HHAT: variants seen among roughly 807,000 people sequenced by gnomAD.
HHAT encodes hedgehog acyltransferase.
Under a neutral mutation model 70.8 loss-of-function variants are expected in HHAT, and 47 were observed. The ratio of observed to expected loss-of-function variants is 0.66; its 90% confidence interval spans 0.53 to 0.85. The LOEUF (loss-of-function observed/expected upper bound fraction) is 0.85. Ranked by LOEUF, HHAT falls within the 40% of genes least tolerant of loss-of-function variation. HHAT has a pLI of 0.00. For missense variants in HHAT, 609 were observed against 604.8 expected (o/e 1.01, Z -0.07); for synonymous variants, 228 against 247.6 (o/e 0.92, Z 0.74).
intron 10 of HHAT, among the ~76,000 whole-genome samples, chr1:210,620,061 C>T (rs1668532360): frequency 6.6e-6 from 1 of 151,892 alleles, no homozygotes; most frequent in African/African-American, 2.4e-5. Flanking sequence ...AGGCATGCCT[C>T]CCACTCGTGA....
chr1:210,348,622 T>G (rs140423105), intron 1 of HHAT, among the ~76,000 whole-genome samples: 13 of 152,182 alleles, frequency 8.5e-5, no homozygotes, highest in Non-Finnish European at 1.6e-4. Context: ...ACAGGCATAT[T>G]ATGCAATGGG....
intron 11 of HHAT, among the ~76,000 whole-genome samples, chr1:210,627,625 G>A (rs1037339075): frequency 2.6e-5 from 4 of 151,924 alleles, no homozygotes; most frequent in African/African-American, 9.7e-5. Flanking sequence ...CTAGGGCTCT[G>A]GTAATATGTC....
chr1:210,614,524 T>C (rs988374751), intron 10 of HHAT, among the ~76,000 whole-genome samples: 1 of 152,128 alleles, frequency 6.6e-6, no homozygotes, highest in Non-Finnish European at 1.5e-5. Flanking sequence ...AACTCATCAT[T>C]TACATTAGGT....
At chr1:210,449,420 C>T (rs750187096) in intron 7 of HHAT, among the ~76,000 whole-genome samples, 37 of 152,118 alleles carry the variant, frequency 2.4e-4, no homozygotes, top group Non-Finnish European at 3.5e-4. Context: ...ATGCCTTTCC[C>T]GTCGCTGAAG....
At chr1:210,395,001 A>T (rs2091699891) in intron 4 of HHAT, among the ~76,000 whole-genome samples, 1 of 147,558 alleles carries the variant, frequency 6.8e-6, no homozygotes, top group Non-Finnish European at 1.5e-5. Flanking sequence ...ATACATATGT[A>T]TGTATATATA....
chr1:210,572,886 A>AC (rs1172550354), intron 9 of HHAT, among the ~76,000 whole-genome samples: 7 of 151,858 alleles, frequency 4.6e-5, no homozygotes, highest in East Asian at 1.9e-4. Context: ...ACAGAGTGAG[A>AC]CCCCCCACTC....
intron 1 of HHAT, among the ~76,000 whole-genome samples, chr1:210,338,073 A>G (rs570526433): frequency 6.6e-6 from 1 of 152,284 alleles, no homozygotes; most frequent in East Asian, 1.9e-4. Flanking sequence ...GGGGACAGGC[A>G]TGGTGGCTCA....
intron 7 of HHAT, among the ~76,000 whole-genome samples, chr1:210,424,789 T>C (rs1381042705): frequency 1.3e-5 from 2 of 152,218 alleles, no homozygotes; most frequent in Admixed American, 1.3e-4. Context: ...TTTGCTATTG[T>C]GAATAGTGTT....
chr1:210,574,349 A>T (rs1657127919), intron 9 of HHAT, among the ~76,000 whole-genome samples: 1 of 152,158 alleles, frequency 6.6e-6, no homozygotes, highest in South Asian at 2.1e-4. Flanking sequence ...GAAGTTAATG[A>T]CTGGGGTGGA....
In HHAT at chr1:210,577,648, TTTTTTTTTTTTTTTTTC is replaced by T. The variant is rs1006062610; in HGVS notation, c.1044-10249_1044-10233del. Among the ~76,000 whole-genome samples the T allele has an allele frequency of 3.8e-4, 47 of 123,022 alleles. 1 individual carries two copies. The highest frequency in any genetic ancestry group is 1.6e-3 in the African/African-American group (45 of 28,914). 80.7% of individuals were successfully genotyped at this position (123,022 alleles called of 152,430 possible). A position where few individuals can be genotyped will look rare whatever the true frequency, so the allele number is the denominator to read the frequency against. ...TATTGGCCTGTAGGATTTTTTTTTT[TTTTTTTTTTTTTTTTTC>T]GAAATGGAGTCTCACTCTGTCACCC... On this transcript the variant is annotated intron_variant, in intron 9 of 11. Coordinates refer to ENST00000261458, the MANE Select transcript of HHAT (RefSeq NM_018194.6).
intron 8 of HHAT, among the ~76,000 whole-genome samples, chr1:210,468,627 G>A (rs2094147987): frequency 6.6e-6 from 1 of 152,130 alleles, no homozygotes; most frequent in Non-Finnish European, 1.5e-5. Context: ...GAATAATTTA[G>A]GTCCCTAGGT....
At chr1:210,347,080 A>C (rs2086586858) in intron 1 of HHAT, among the ~76,000 whole-genome samples, 1 of 152,204 alleles carries the variant, frequency 6.6e-6, no homozygotes, top group Non-Finnish European at 1.5e-5. Context: ...ATAATACATT[A>C]TTGTTAACTA....
chr1:210,407,180 G>A (rs1362020799), intron 6 of HHAT, among the ~76,000 whole-genome samples: 2 of 152,202 alleles, frequency 1.3e-5, no homozygotes, highest in Non-Finnish European at 2.9e-5. Context: ...TGCAGTGAAA[G>A]GGTTCTTTCA....
chr1:210,396,470 A>T (rs966376070), intron 4 of HHAT, among the ~76,000 whole-genome samples: 10 of 152,248 alleles, frequency 6.6e-5, no homozygotes, highest in Admixed American at 2.0e-4. Flanking sequence ...AATAAACTGG[A>T]TCACACATGC....
chr1:210,337,525 C>G (rs775806820), intron 1 of HHAT, among the ~76,000 whole-genome samples: 2 of 152,106 alleles, frequency 1.3e-5, no homozygotes, highest in Non-Finnish European at 2.9e-5. Flanking sequence ...TTTTTGTTGT[C>G]GTTGCCTTTT....
At chr1:210,546,667 C>G (rs933460215) in intron 9 of HHAT, among the ~76,000 whole-genome samples, 1 of 152,134 alleles carries the variant, frequency 6.6e-6, no homozygotes, top group African/African-American at 2.4e-5. Flanking sequence ...AAAATGATAA[C>G]CCAGCACTTG....
intron 8 of HHAT, among the ~76,000 whole-genome samples, chr1:210,493,646 GA>G (rs1320993349): frequency 2.0e-5 from 3 of 152,170 alleles, no homozygotes; most frequent in Non-Finnish European, 4.4e-5. Context: ...GTCAAAGCTA[GA>G]AATACAAATT....
intron 11 of HHAT, among the ~76,000 whole-genome samples, chr1:210,648,672 C>T (rs10863847): frequency 0.34 from 52,061 of 151,922 alleles, 9,154 homozygotes; most frequent in East Asian, 0.39. Flanking sequence ...TGATTATGCA[C>T]AACACGCATT....
At chr1:210,565,580 T>TA (rs970717861) in intron 9 of HHAT, among the ~76,000 whole-genome samples, 2 of 152,052 alleles carry the variant, frequency 1.3e-5, no homozygotes, top group African/African-American at 2.4e-5. Context: ...AGGAAGTATC[T>TA]AAAAAAACAG....
Sources: gnomAD v4.1 joint callset for allele counts (sites outside exome capture counted in the v4.1 genomes callset) on GRCh38, gnomAD v4.1.1 for gene constraint, MANE v1.5 for transcripts, NCBI Gene and HGNC (gene_info 2026-07-23, HGNC 2026-07-21) for gene names.